CCDC73: variants seen among roughly 807,000 people sequenced by gnomAD.
CCDC73 encodes coiled-coil domain-containing protein 73.
A neutral mutation model predicts 116.5 loss-of-function variants in CCDC73; 95 were observed. The observed-to-expected ratio is 0.82, with a 90% CI of 0.69 to 0.97. CCDC73 has a LOEUF of 0.97. CCDC73 is among the 50% of genes least tolerant of loss of function. CCDC73 has a pLI of 0.00. For synonymous variants in CCDC73, 398 were observed against 401.3 expected, an observed-to-expected ratio of 0.99 and a Z score of 0.10; for missense variants, 1,066 against 1,206.8, an observed-to-expected ratio of 0.88 and a Z score of 1.73.
intron 9 of CCDC73, among the ~76,000 whole-genome samples, chr11:32,663,537 G>C (rs1855950589): frequency 6.6e-6 from 1 of 152,194 alleles, no homozygotes; most frequent in African/African-American, 2.4e-5. Context: ...TTTGTATCCT[G>C]AGACTTTGCT....
intron 7 of CCDC73, among the ~76,000 whole-genome samples, chr11:32,679,426 C>T (rs1426867265): frequency 1.3e-5 from 2 of 151,974 alleles, no homozygotes; most frequent in Admixed American, 6.6e-5. Context: ...TGCTGTGGCA[C>T]GATCTCGGCT....
At position 32,645,064 on chromosome 11, in the gene CCDC73, T is replaced by TA. The variant is rs1262491497; in HGVS notation, c.940-2983dup. On this transcript the variant is annotated intron_variant, in intron 12 of 17. Transcript: ENST00000335185. ...ATTAATAAAGCCACTGTAAATATTA[T>TA]AAAAAAAACTAACACACAAACACAC... 9.2e-5 allele frequency among the ~76,000 whole-genome samples: 14 copies of TA among 151,982 alleles called. No individual in the cohort carries two copies. The Middle Eastern group carries it at 0.01, about 111-fold the overall frequency.
the CCDC73 span, among the ~76,000 whole-genome samples, chr11:32,810,726 T>C: frequency 6.6e-6 from 1 of 152,194 alleles, no homozygotes; most frequent in East Asian, 1.9e-4. Context: ...CAACTTTGGA[T>C]ACAATCCTTA....
intron 14 of CCDC73, among the ~76,000 whole-genome samples, chr11:32,619,296 T>G (rs1855501705): frequency 6.6e-6 from 1 of 152,224 alleles, no homozygotes; most frequent in Non-Finnish European, 1.5e-5. Context: ...CTAATGCACA[T>G]TTAGATGTAT....
intron 14 of CCDC73, among the ~76,000 whole-genome samples, chr11:32,622,281 C>T (rs1350325407): frequency 4.0e-5 from 6 of 151,808 alleles, no homozygotes; most frequent in African/African-American, 9.7e-5. Flanking sequence ...AATGATAGAC[C>T]GGATAAAGAA....
intron 2 of CCDC73, among the ~76,000 whole-genome samples, chr11:32,744,154 T>A (rs568299343): frequency 6.6e-6 from 1 of 152,344 alleles, no homozygotes; most frequent in East Asian, 1.9e-4. Context: ...TTTCTGCATC[T>A]CTTGAGATAA....
chr11:32,821,023 T>C, the CCDC73 span, among the ~76,000 whole-genome samples: 1 of 152,208 alleles, frequency 6.6e-6, no homozygotes, highest in Admixed American at 6.5e-5. Flanking sequence ...TTTGCTTTAA[T>C]AGTGTCTTAC....
At chr11:32,678,503 A>G (rs1856112479) in intron 7 of CCDC73, among the ~76,000 whole-genome samples, 1 of 152,228 alleles carries the variant, frequency 6.6e-6, no homozygotes, top group African/African-American at 2.4e-5. Context: ...AGCCCATCAT[A>G]TAAAAATCAC....
chr11:32,764,622 A>G (rs567581937), intron 1 of CCDC73, among the ~76,000 whole-genome samples: 2 of 152,200 alleles, frequency 1.3e-5, no homozygotes, highest in Non-Finnish European at 2.9e-5. Context: ...AGCACTAAAC[A>G]TGGAAAGGAA....
the CCDC73 span, among the ~76,000 whole-genome samples, chr11:32,804,842 T>A: frequency 6.6e-6 from 1 of 152,198 alleles, no homozygotes. Flanking sequence ...CATTGAGTAT[T>A]TACATTAAAA....
chr11:32,620,185 T>G (rs1225631402), intron 14 of CCDC73, among the ~76,000 whole-genome samples: 2 of 152,074 alleles, frequency 1.3e-5, no homozygotes, highest in African/African-American at 2.4e-5. Context: ...GAAGCCTTAA[T>G]TGTTGCTGGA....
At chr11:32,783,890 C>T (rs986432817) in intron 1 of CCDC73, among the ~76,000 whole-genome samples, 1 of 152,200 alleles carries the variant, frequency 6.6e-6, no homozygotes, top group African/African-American at 2.4e-5. Context: ...AGAGAGCAAC[C>T]AGTCCAGATT....
chr11:32,677,360 C>G (rs995261680), intron 7 of CCDC73, among the ~76,000 whole-genome samples: 1 of 152,130 alleles, frequency 6.6e-6, no homozygotes, highest in African/African-American at 2.4e-5. Context: ...TTCAGGGGTC[C>G]TATTCTTCCC....
At chr11:32,690,433 A>G (rs534096101) in intron 6 of CCDC73, among the ~76,000 whole-genome samples, 2 of 152,188 alleles carry the variant, frequency 1.3e-5, no homozygotes, top group Non-Finnish European at 2.9e-5. Context: ...CCAGAGGGGT[A>G]CTGATATGGT....
chr11:32,737,235 G>C (rs1158864817), intron 2 of CCDC73, among the ~76,000 whole-genome samples: 2 of 60,556 alleles, frequency 3.3e-5, no homozygotes, highest in Non-Finnish European at 6.1e-5. Context: ...GTAGGGCTGT[G>C]TGTGTGTGTG....
intron 1 of CCDC73, among the ~76,000 whole-genome samples, chr11:32,769,798 C>T (rs1430347270): frequency 1.3e-5 from 2 of 152,188 alleles, no homozygotes; most frequent in Non-Finnish European, 2.9e-5. Flanking sequence ...AATATCTCTT[C>T]CTCCAAGAAG....
At chr11:32,661,093 G>A (rs575671162) in intron 9 of CCDC73, among the ~76,000 whole-genome samples, 89 of 152,120 alleles carry the variant, frequency 5.9e-4, no homozygotes, top group Non-Finnish European at 1.1e-3. Flanking sequence ...AGGATCCTCT[G>A]GTTGGAGAAA....
At chr11:32,745,028 T>C (rs559712446) in intron 2 of CCDC73, among the ~76,000 whole-genome samples, 14 of 152,322 alleles carry the variant, frequency 9.2e-5, no homozygotes, top group African/African-American at 3.4e-4. Context: ...TCCTGCTTTC[T>C]CTTGTGGGCA....
chr11:32,771,467 C>A (rs1850491933), intron 1 of CCDC73, among the ~76,000 whole-genome samples: 1 of 152,198 alleles, frequency 6.6e-6, no homozygotes, highest in African/African-American at 2.4e-5. Flanking sequence ...GAACTAGTGA[C>A]TGCTAAATGC....
Sources: gnomAD v4.1 joint callset for allele counts (sites outside exome capture counted in the v4.1 genomes callset) on GRCh38, gnomAD v4.1.1 for gene constraint, MANE v1.5 for transcripts, NCBI Gene and HGNC (gene_info 2026-07-23, HGNC 2026-07-21) for gene names.